Variants in SPON2 observed in about 807,000 individuals in gnomAD.
The protein encoded by SPON2 is spondin-2.
Under a neutral mutation model 29.9 loss-of-function variants are expected in SPON2, and 32 were observed. The ratio of observed to expected loss-of-function variants is 1.07; its 90% CI spans 0.81 to 1.44. The LOEUF is 1.44. Ranked by LOEUF, SPON2 falls within the 40% of genes most tolerant of loss-of-function variation. The probability of loss-of-function intolerance (pLI) is 0.00; values close to 1 mark genes in which losing one functional copy is unlikely to be tolerated. For synonymous variants in SPON2, 248 were observed against 209.1 expected (o/e 1.19, Z -1.61); for missense variants, 541 against 455.5 (o/e 1.19, Z -1.71).
intron 1 of SPON2, among the ~76,000 whole-genome samples, chr4:1,191,082 CT>C (rs771514559): frequency 3.4e-3 from 473 of 139,852 alleles, no homozygotes; most frequent in African/African-American, 5.0e-3. Context: ...CTTTTTTTTT[CT>C]TTTTTTTTTT....
intron 1 of SPON2, chr4:1,194,870 A>C (rs1728009196): frequency 7.1e-6 from 1 of 141,440 alleles, no homozygotes. Context: ...CTCACCCCAC[A>C]GCCGGCGGCT....
intron 1 of SPON2, chr4:1,200,831 G>A (rs1351492668): frequency 4.4e-6 from 2 of 456,568 alleles, no homozygotes; most frequent in African/African-American, 4.0e-5. Context: ...GCTCCTGGAG[G>A]TGGGGCCAAG....
In SPON2 at chr4:1,167,403, A is replaced by T; in HGVS notation, c.*69T>A. The T allele has an allele frequency of 2.0e-6, 3 of 1,485,912 alleles. No homozygotes were observed. The highest frequency in any genetic ancestry group is 2.7e-6 in the Non-Finnish European group (3 of 1,097,726). The allele number at this position is 1,485,912 out of a possible 1,614,324, so 92.0% of individuals were successfully genotyped here. On this transcript the variant is annotated 3_prime_UTR_variant, in exon 6 of 6. Coordinates refer to ENST00000290902, the MANE Select transcript of SPON2 (RefSeq NM_012445.4). ...CCCTGTGCCCTCGGCCGCCTGCAGC[A>T]TGAGCCTGCACAGGAGCCCCCGACA...
At chr4:1,183,631 T>G (rs887641321) in intron 1 of SPON2, among the ~76,000 whole-genome samples, 8 of 152,218 alleles carry the variant, frequency 5.3e-5, no homozygotes, top group Non-Finnish European at 8.8e-5. Flanking sequence ...ATTTATGTTT[T>G]GAGGCACACA....
upstream of SPON2, among the ~76,000 whole-genome samples, chr4:1,173,465 C>G (rs1727526502): frequency 6.6e-6 from 1 of 152,162 alleles, no homozygotes; most frequent in African/African-American, 2.4e-5. Context: ...GCAGAGCCCT[C>G]CCAGGGGCTC....
upstream of SPON2, chr4:1,200,100 G>C (rs1191957961): frequency 3.3e-5 from 5 of 152,268 alleles, no homozygotes; most frequent in African/African-American, 1.2e-4. Flanking sequence ...CCGGCTGCTA[G>C]TTACCAGACG....
In SPON2 at chr4:1,202,847, C is replaced by G. The variant is rs756369702; in HGVS notation, c.-234+5033G>C. Among the ~76,000 whole-genome samples the G allele has an allele frequency of 6.6e-6, 1 of 152,176 alleles. No homozygotes were observed. The highest frequency in any genetic ancestry group is 1.5e-5 in the Non-Finnish European group (1 of 68,032). On this transcript the variant is annotated intron_variant, in intron 1 of 3. Coordinates refer to the SPON2 transcript ENST00000509233. The surrounding 1 kb of genome is among the most constrained non-coding windows in gnomAD (Gnocchi z 5.4). Reference sequence around the variant, plus strand: ...CCCCGTGGATGCCGTCAAGGCCCCCCGCATGTGCCTTTGGGAGCGATGGTT... The same window carrying G: ...CCCCGTGGATGCCGTCAAGGCCCCCGGCATGTGCCTTTGGGAGCGATGGTT...
intron 1 of SPON2, among the ~76,000 whole-genome samples, chr4:1,207,003 T>G (rs1728358172): frequency 6.8e-6 from 1 of 147,650 alleles, no homozygotes; most frequent in Non-Finnish European, 1.5e-5. Flanking sequence ...ATGGTGTCAT[T>G]TGGGAGTGGA....
intron 2 of SPON2, among the ~76,000 whole-genome samples, chr4:1,178,757 A>G (rs976841205): frequency 5.3e-5 from 8 of 151,284 alleles, no homozygotes; most frequent in Non-Finnish European, 1.0e-4. Flanking sequence ...ACAGGGATTT[A>G]CTATGGGGGC....
chr4:1,183,168 G>C (rs897980343), intron 1 of SPON2, among the ~76,000 whole-genome samples: 1 of 151,448 alleles, frequency 6.6e-6, no homozygotes, highest in Non-Finnish European at 1.5e-5. Flanking sequence ...TTAGAACACG[G>C]GAGGTGGAGG....
intron 1 of SPON2, among the ~76,000 whole-genome samples, chr4:1,182,295 A>T (rs73067788): frequency 0.019 from 2,892 of 152,320 alleles, 107 homozygotes; most frequent in African/African-American, 0.066. Flanking sequence ...AAAGACTTTA[A>T]AACAACTGTC....
intron 1 of SPON2, among the ~76,000 whole-genome samples, chr4:1,185,708 C>CAA (rs58836347): frequency 2.9e-5 from 2 of 69,648 alleles, no homozygotes; most frequent in East Asian, 5.4e-4. Context: ...ACTCCATCTC[C>CAA]AAAAAAAAAA....
rs1198698382 is a variant in SPON2, at chr4:1,171,316, T to C, written c.391A>G (p.Ser131Gly). The C allele has an allele frequency of 6.2e-7, 1 of 1,600,922 alleles. No homozygotes were observed. The highest frequency in any genetic ancestry group is 8.5e-7 in the Non-Finnish European group (1 of 1,177,496). The change falls in exon 3 of 6, where the codon AGC becomes GGC. Residue 131 changes from serine to glycine, a missense_variant. Transcript: ENST00000290902. ...TCCGCCGACGTCTGCCCGGTGCCGCTGGGGACGGCGGGCGCCGAAAACACC... is the reference window on the plus strand; with the variant it reads ...TCCGCCGACGTCTGCCCGGTGCCGCCGGGGACGGCGGGCGCCGAAAACACC... ...HAVFSAPAVP[S>G]GTGQTSAELE...
upstream of SPON2, chr4:1,199,218 G>A (rs1395114017): frequency 6.6e-6 from 1 of 152,046 alleles, no homozygotes; most frequent in Non-Finnish European, 1.5e-5. This position sits in a 1 kb window ranked among gnomAD's most constrained non-coding sequence, Gnocchi z 4.5. Context: ...GACCAACATA[G>A]TGAAATCCTG....
intron 1 of SPON2, among the ~76,000 whole-genome samples, chr4:1,187,063 T>C (rs1727819945): frequency 6.6e-6 from 1 of 152,140 alleles, no homozygotes; most frequent in African/African-American, 2.4e-5. Context: ...GTCTTGAAAA[T>C]ATATTTGTAT....
In SPON2 at chr4:1,171,740, T is replaced by C. The variant is rs1003132059; in HGVS notation, c.220+112A>G. The C allele has an allele frequency of 1.8e-5, 15 of 856,270 alleles. No homozygotes were observed. The Admixed American group carries it at 2.1e-4, about 12-fold the overall frequency. 53.0% of individuals were successfully genotyped at this position (856,270 alleles called of 1,614,324 possible). On this transcript the variant is annotated intron_variant, in intron 2 of 5. Transcript: ENST00000290902. ...CGGCAAACATTCTGGTGTTAGAGTC[T>C]CCCGACGTCAGCACGCCCCAGACTG...
intron 1 of SPON2, among the ~76,000 whole-genome samples, chr4:1,204,694 G>A (rs1728295989): frequency 6.6e-6 from 1 of 152,186 alleles, no homozygotes; most frequent in African/African-American, 2.4e-5. Context: ...GTTCTCCGGT[G>A]TTTTAATTGG....
intron 1 of SPON2, among the ~76,000 whole-genome samples, chr4:1,185,859 T>G (rs968582984): frequency 2.0e-5 from 3 of 152,096 alleles, no homozygotes; most frequent in Non-Finnish European, 4.4e-5. Context: ...GATTTTACAA[T>G]GATTTATTGG....
Position 1,171,963 on chromosome 4 carries a change from CG to C in SPON2, c.108del (p.Ala37ProfsTer70). The stretch of plus-strand genomic sequence containing the variant: ...ATGCTGTATTTGGCCAGGGCTCTGG[CG>C]GAACAGATGGACTCTCCCCCAAGAG... The part of the protein sequence containing the change: ...GQPLGGESIC[S>X]ARALAKYSIT... On this transcript the variant is annotated frameshift_variant, in exon 2 of 6. Coordinates refer to ENST00000290902, the MANE Select transcript of SPON2 (RefSeq NM_012445.4). LOFTEE classifies it high-confidence loss of function. The C allele has an allele frequency of 1.2e-6, 2 of 1,612,924 alleles. No individual in the cohort carries two copies. The highest frequency in any genetic ancestry group is 1.7e-6 in the Non-Finnish European group (2 of 1,179,906).
Sources: allele counts gnomAD v4.1 joint callset (sites outside exome capture counted in the v4.1 genomes callset), GRCh38; gene constraint gnomAD v4.1.1; non-coding constraint Gnocchi (gnomAD v3.1); transcripts MANE v1.5; gene names NCBI Gene and HGNC (gene_info 2026-07-23, HGNC 2026-07-21).